Variants in SYCE1 observed in about 807,000 individuals in gnomAD.
SYCE1 encodes the protein synaptonemal complex central element protein 1.
SYCE1 carries 37 observed loss-of-function variants against 55.1 expected under a neutral mutation model. That is an observed-to-expected ratio of 0.67 (90% CI 0.52 to 0.88). SYCE1 has a LOEUF of 0.88. Ranked by LOEUF, SYCE1 falls within the 40% of genes least tolerant of loss-of-function variation. The pLI is 0.00. For synonymous variants in SYCE1, 163 were observed against 159.4 expected (o/e 1.02, Z -0.17); for missense variants, 399 against 416.4 (o/e 0.96, Z 0.36).
upstream of SYCE1, among the ~76,000 whole-genome samples, chr10:133,566,339 A>C (rs1851933847): frequency 6.6e-6 from 1 of 152,212 alleles, no homozygotes; most frequent in South Asian, 2.1e-4. Context: ...GCCTGTCCTA[A>C]ATACGAAGCC....
In SYCE1 at chr10:133,557,856, G is replaced by C. The variant is rs181747128; in HGVS notation, c.374+8C>G. On this transcript the variant is annotated splice_region_variant and intron_variant, in intron 6 of 12. Coordinates refer to ENST00000343131, the MANE Select transcript of SYCE1 (RefSeq NM_001143764.3). ...AGTGCAGAGTTAGGCTCAGCTGGAA[G>C]CTCTTACCTGTGTGCCTCACTTTCC... The C allele has an allele frequency of 1.4e-4, 220 of 1,614,096 alleles. No homozygotes were observed. Among genetic ancestry groups the C allele is most frequent in the Admixed American group, 6.2e-4 (37 of 60,032 alleles).
At position 133,559,792 on chromosome 10, in the gene SYCE1, G is replaced by C. The variant is rs3813871; in HGVS notation, c.136+299C>G. ...CAAAGAGGGAGTAGCGGGTGAGGGG[G>C]AAGGAAGGGAAGTGAAGGCGGCAAC... is the stretch of plus-strand genomic sequence containing the variant. On this transcript the variant is annotated intron_variant, in intron 2 of 12. Transcript: ENST00000343131. 4.6e-3 allele frequency: 2,073 copies of C among 450,922 alleles called. 81 individuals carry two copies. The East Asian group carries it at 0.07, about 15-fold the overall frequency. 27.9% of individuals were successfully genotyped at this position (450,922 alleles called of 1,614,324 possible).
chr10:133,555,235 C>T (rs1179166637), intron 12 of SYCE1, 106 bp from the exon 13 acceptor site: 1 of 1,561,084 alleles, frequency 6.4e-7, no homozygotes, highest in Admixed American at 1.8e-5. Context: ...TGGGAAAGGC[C>T]CTCCCCATAG....
intron 1 of SYCE1, chr10:133,560,741 C>G (rs994048145): frequency 6.6e-5 from 10 of 152,120 alleles, no homozygotes; most frequent in African/African-American, 2.4e-4. Context: ...ATGGCATTAA[C>G]ATTGTGAAAG....
chr10:133,555,818 C>T lies in SYCE1; in HGVS notation c.681G>A (p.Glu227=). ...CCTCCTGGCTGCGGAGAAAGAGTCCCTCATCAAGGGTGGAGGGGCCCTCAG... is the reference window on the plus strand; with the variant it reads ...CCTCCTGGCTGCGGAGAAAGAGTCCTTCATCAAGGGTGGAGGGGCCCTCAG... ...CGAEGPSTLD[E]GLFLRSQEAA... is the part of the protein sequence containing the mutation. The change falls in exon 10 of 13, where the codon GAG becomes GAA. Residue 227 remains glutamate (E), a synonymous_variant. Transcript: ENST00000343131. 2 of 1,613,722 alleles carry T rather than the reference C, an allele frequency of 1.2e-6. No homozygotes were observed. The highest frequency in any genetic ancestry group is 1.7e-6 in the Non-Finnish European group (2 of 1,179,986).
At chr10:133,564,782 G>C (rs1851887235) in intron 1 of SYCE1, among the ~76,000 whole-genome samples, 1 of 152,166 alleles carries the variant, frequency 6.6e-6, no homozygotes, top group African/African-American at 2.4e-5. Context: ...CCACTTTTCT[G>C]TAAGTTTGAA....
intron 2 of SYCE1, 82 bp from the exon 3 acceptor site, chr10:133,559,442 G>T: frequency 7.3e-7 from 1 of 1,369,078 alleles, no homozygotes; most frequent in Non-Finnish European, 1.0e-6. Context: ...CTGCTTTCAC[G>T]CAACACAGAT....
chr10:133,559,567 G>A (rs187609708), intron 2 of SYCE1: 73 of 568,488 alleles, frequency 1.3e-4, no homozygotes, highest in Admixed American at 3.0e-4. Flanking sequence ...TGCGGTAACC[G>A]TGTTCAAGAG....
chr10:133,565,341 T>C, intron 1 of SYCE1, 116 bp downstream of exon 1: 1 of 945,690 alleles, frequency 1.1e-6, no homozygotes, highest in Non-Finnish European at 1.5e-6. Context: ...ACCCGCTAAG[T>C]CTCAATCAGC....
In SYCE1 at chr10:133,564,325, G is replaced by A. The variant is rs187361905; in HGVS notation, c.73+1132C>T. 4.2e-6 allele frequency: 4 copies of A among 949,000 alleles called. No individual in the cohort carries two copies. The African/African-American group carries it at 5.3e-5, about 13-fold the overall frequency. The allele number at this position is 949,000 out of a possible 1,614,324, so 58.8% of individuals were successfully genotyped here. Reference sequence around the variant, plus strand: ...ACCTTGATCTTGAACTTCTAGCCTCGAAAACTGTGAGAAATAAGGCATTTC... The same window carrying A: ...ACCTTGATCTTGAACTTCTAGCCTCAAAAACTGTGAGAAATAAGGCATTTC... On this transcript the variant is annotated intron_variant, in intron 1 of 12. Transcript: ENST00000343131.
Position 133,555,400 on chromosome 10 carries a change from G to A in SYCE1, c.869C>T (p.Pro290Leu), listed in dbSNP as rs1851635562. ...CTCTTGTGTGCTCTGGGCTTGGGCAGGGACTTGCATTCCATGCTTTTCCAG... is the reference window on the plus strand; with the variant it reads ...CTCTTGTGTGCTCTGGGCTTGGGCAAGGACTTGCATTCCATGCTTTTCCAG... ...EELEKHGMQV[P>L]AQAQSTQEEE... is the part of the protein sequence containing the mutation. Residue 290 changes from proline (P) to leucine (L), a missense_variant, in exon 12 of 13, where the codon CCT becomes CTT. Pro to Leu is a moderately conservative substitution (Grantham distance 98). Coordinates refer to ENST00000343131, the MANE Select transcript of SYCE1 (RefSeq NM_001143764.3). The A allele has an allele frequency of 3.7e-6, 6 of 1,614,018 alleles. No individual in the cohort carries two copies. The highest frequency in any genetic ancestry group is 2.2e-5 in the South Asian group (2 of 91,086).
upstream of SYCE1, chr10:133,565,674 C>A (rs570209067): frequency 1.1e-4 from 90 of 787,734 alleles, no homozygotes; most frequent in African/African-American, 1.2e-3. Context: ...AATTCTCCGG[C>A]AGGCCTGCGT....
chr10:133,555,549 C>T (rs779615114), intron 11 of SYCE1, 48 bp downstream of exon 11: 20 of 1,603,770 alleles, frequency 1.2e-5, no homozygotes, highest in African/African-American at 1.1e-4. Flanking sequence ...GATACAACAT[C>T]AGTCATCTTC....
chr10:133,554,837 C>G, downstream of SYCE1: 1 of 1,449,960 alleles, frequency 6.9e-7, no homozygotes. Context: ...GATGAGCAAT[C>G]CAGAGACCAG....
chr10:133,566,496 GT>G (rs1851937151), upstream of SYCE1, among the ~76,000 whole-genome samples: 1 of 138,212 alleles, frequency 7.2e-6, no homozygotes, highest in Admixed American at 7.5e-5. Context: ...TAGAATTAGG[GT>G]TTGGGGTTAG....
rs1298775078 is a variant in SYCE1 at position 133,557,715 on chromosome 10, G to A, written c.374+149C>T. On this transcript the variant is annotated intron_variant, in intron 6 of 12. Transcript: ENST00000343131. ...TCCCTTAACACTACTGCCAGCTGTT[G>A]GAGCCGAAGGGGAAAGACATTCTTT... The A allele has an allele frequency of 5.0e-6, 4 of 807,256 alleles. No homozygotes were observed. In the African/African-American group the frequency reaches 5.1e-5, roughly 10 times the overall value. The allele number at this position is 807,256 out of a possible 1,614,324, so 50.0% of individuals were successfully genotyped here.
In SYCE1 at chr10:133,557,070, A is replaced by G. The variant is rs780201096; in HGVS notation, c.461T>C (p.Leu154Pro). 6.2e-7 allele frequency: 1 copy of G among 1,614,070 alleles called. No homozygotes were observed. Among genetic ancestry groups the G allele is most frequent in the Non-Finnish European group, 8.5e-7 (1 of 1,179,940 alleles). ...TGCCTCAGATGCTAAGGTTTACCTC[A>G]GCTGTCTCTGTTTGTTCTTCTCTTC... ...IEEEKNKQRQLRLAFEEQLED... is the reference protein window; with the variant it reads ...IEEEKNKQRQPRLAFEEQLED... The change falls in exon 7 of 13, where the codon CTG becomes CCG. Residue 154 changes from leucine to proline, a missense_variant. Physicochemically the swap from Leu to Pro is moderately conservative, Grantham distance 98. Coordinates refer to ENST00000343131, the MANE Select transcript of SYCE1 (RefSeq NM_001143764.3).
At chr10:133,561,549 G>A (rs1187400996) in intron 1 of SYCE1, among the ~76,000 whole-genome samples, 1 of 152,192 alleles carries the variant, frequency 6.6e-6, no homozygotes, top group African/African-American at 2.4e-5. Flanking sequence ...TCCCAACAGG[G>A]AAGACAAGTT....
intron 4 of SYCE1, chr10:133,558,532 C>T: frequency 1.9e-6 from 1 of 532,486 alleles, no homozygotes; most frequent in Middle Eastern, 5.0e-4. Flanking sequence ...GGGCATGTGA[C>T]CAGATGGAGG....
Sources: gnomAD v4.1 joint callset for allele counts (sites outside exome capture counted in the v4.1 genomes callset) on GRCh38, gnomAD v4.1.1 for gene constraint, MANE v1.5 for transcripts, NCBI Gene and HGNC (gene_info 2026-07-23, HGNC 2026-07-21) for gene names.